Variants in SEMA5A observed in about 807,000 individuals in gnomAD.
SEMA5A encodes the protein semaphorin 5A.
In SEMA5A, 55 loss-of-function variants were observed where a neutral mutation model predicts 135.5. The observed-to-expected ratio is 0.41, with a 90% CI of 0.33 to 0.51. SEMA5A has a LOEUF of 0.51. SEMA5A is among the 20% of genes least tolerant of loss of function. The pLI is 0.37. For missense variants in SEMA5A, 1,290 were observed against 1,419.9 expected, an observed-to-expected ratio of 0.91 and a Z score of 1.47; for synonymous variants, 580 against 546.5, an observed-to-expected ratio of 1.06 and a Z score of -0.85.
At chr5:9,246,879 C>T (rs891765584) in intron 5 of SEMA5A, among the ~76,000 whole-genome samples, 1 of 152,112 alleles carries the variant, frequency 6.6e-6, no homozygotes, top group Non-Finnish European at 1.5e-5. Context: ...TTTCACACGC[C>T]AGTTAACTAC....
intron 1 of SEMA5A, among the ~76,000 whole-genome samples, chr5:9,449,311 G>A (rs1272652471): frequency 6.6e-6 from 1 of 152,130 alleles, no homozygotes; most frequent in Non-Finnish European, 1.5e-5. Context: ...GCGAACTAAT[G>A]CAGAAACAGA....
intron 3 of SEMA5A, among the ~76,000 whole-genome samples, chr5:9,346,066 T>C (rs1753853594): frequency 6.6e-6 from 1 of 152,046 alleles, no homozygotes. Flanking sequence ...ATGTTACCTT[T>C]TCCTAAACCA....
chr5:9,433,636 T>A (rs1757929985), intron 2 of SEMA5A, among the ~76,000 whole-genome samples: 2 of 138,502 alleles, frequency 1.4e-5, no homozygotes, highest in African/African-American at 2.6e-5. Context: ...TTCTCTCACC[T>A]CTTCTCAGAG....
intron 11 of SEMA5A, among the ~76,000 whole-genome samples, chr5:9,157,337 T>C (rs1044256810): frequency 6.6e-6 from 1 of 152,218 alleles, no homozygotes; most frequent in African/African-American, 2.4e-5. Context: ...TCTTCAAAGC[T>C]GAATGTTGGC....
At chr5:9,208,169 T>C (rs1314652062) in intron 8 of SEMA5A, among the ~76,000 whole-genome samples, 1 of 152,188 alleles carries the variant, frequency 6.6e-6, no homozygotes, top group Non-Finnish European at 1.5e-5. Context: ...CCTCTATTTA[T>C]TAAAAATAAC....
chr5:9,472,013 T>G (rs1340548043), intron 1 of SEMA5A, among the ~76,000 whole-genome samples: 2 of 152,240 alleles, frequency 1.3e-5, no homozygotes, highest in Non-Finnish European at 2.9e-5. Context: ...TTTTTTATTA[T>G]ACTTTAAGTT....
At position 9,119,797 on chromosome 5, in the gene SEMA5A, C is replaced by T. The variant is rs1258905637; in HGVS notation, c.1782-656G>A. ...TGTTTAAATTCAGATTATTGGCTAT[C>T]TTTTCACAGATTGACAGAGACATAA... On this transcript the variant is annotated intron_variant, in intron 14 of 22. Transcript: ENST00000382496. Among the ~76,000 whole-genome samples, 3 of 152,178 alleles carry T rather than the reference C, an allele frequency of 2.0e-5. No homozygotes were observed. In the East Asian group the frequency reaches 5.8e-4, roughly 29 times the overall value.
intron 5 of SEMA5A, among the ~76,000 whole-genome samples, chr5:9,283,356 A>G (rs1483260917): frequency 6.6e-6 from 1 of 152,116 alleles, no homozygotes; most frequent in Non-Finnish European, 1.5e-5. Context: ...TTGTGACTGT[A>G]GGACTGAGAC....
intron 5 of SEMA5A, among the ~76,000 whole-genome samples, chr5:9,294,790 A>C (rs1751251612): frequency 6.6e-6 from 1 of 152,116 alleles, no homozygotes. Context: ...CATCTACCTG[A>C]TTCAACAATT....
chr5:9,104,699 C>A (rs1435260733), intron 16 of SEMA5A, among the ~76,000 whole-genome samples: 1 of 152,176 alleles, frequency 6.6e-6, no homozygotes, highest in African/African-American at 2.4e-5. Context: ...CTCACAGTGA[C>A]TCAGAGGCAG....
At chr5:9,252,038 T>C (rs1462863566) in intron 5 of SEMA5A, among the ~76,000 whole-genome samples, 4 of 152,204 alleles carry the variant, frequency 2.6e-5, no homozygotes, top group African/African-American at 7.2e-5. Context: ...CCACGTGCGA[T>C]GGACTCTTTC....
chr5:9,300,913 C>G (rs1751581450), intron 5 of SEMA5A, among the ~76,000 whole-genome samples: 1 of 152,170 alleles, frequency 6.6e-6, no homozygotes, highest in Admixed American at 6.6e-5. Context: ...GAGTGGAGCC[C>G]TGCTGATATC....
At chr5:9,507,479 C>T (rs1735958144) in intron 1 of SEMA5A, among the ~76,000 whole-genome samples, 1 of 152,218 alleles carries the variant, frequency 6.6e-6, no homozygotes, top group African/African-American at 2.4e-5. Context: ...ATGGTTTCTA[C>T]ACAGTACAGC....
At chr5:9,386,199 G>A (rs79866946) in intron 2 of SEMA5A, among the ~76,000 whole-genome samples, 21 of 152,164 alleles carry the variant, frequency 1.4e-4, no homozygotes, top group African/African-American at 4.8e-4. Flanking sequence ...AACTAGAGTC[G>A]CCTTCCAGAC....
In SEMA5A at chr5:9,038,594, G is replaced by A. The variant is rs1735778349; in HGVS notation, c.*4303C>T. 6.6e-6 allele frequency: 1 copy of A among 152,176 alleles called. No homozygotes were observed. Among genetic ancestry groups the A allele is most frequent in the Non-Finnish European group, 1.5e-5 (1 of 68,040 alleles). 9.4% of individuals were successfully genotyped at this position (152,176 alleles called of 1,614,324 possible). A position where few individuals can be genotyped will look rare whatever the true frequency, so the allele number is the denominator to read the frequency against. ...TAAATTCAAATGCTAACAAGGCTGT[G>A]TTTAGACAAAACGATTAGCTGAGTA... On this transcript the variant is annotated 3_prime_UTR_variant, in exon 23 of 23. Coordinates refer to ENST00000382496, the MANE Select transcript of SEMA5A (RefSeq NM_003966.3).
chr5:9,456,932 C>G (rs917823954), intron 1 of SEMA5A, among the ~76,000 whole-genome samples: 1 of 152,206 alleles, frequency 6.6e-6, no homozygotes, highest in Non-Finnish European at 1.5e-5. Flanking sequence ...TACAGAGCAA[C>G]TAAACTTGCC....
chr5:9,337,682 A>G, intron 4 of SEMA5A, 31 bp downstream of exon 4: 1 of 1,495,918 alleles, frequency 6.7e-7, no homozygotes, highest in Non-Finnish European at 9.3e-7. Context: ...GTCCAAAAAT[A>G]TCTGTGGTGG....
intron 5 of SEMA5A, among the ~76,000 whole-genome samples, chr5:9,259,519 T>C (rs1749285778): frequency 6.6e-6 from 1 of 151,210 alleles, no homozygotes; most frequent in Admixed American, 6.6e-5. Flanking sequence ...CTGAAAAAAA[T>C]GTATATTCTG....
intron 1 of SEMA5A, among the ~76,000 whole-genome samples, chr5:9,460,046 A>T (rs1003482989): frequency 7.2e-5 from 11 of 152,216 alleles, no homozygotes; most frequent in Non-Finnish European, 1.2e-4. Flanking sequence ...GTTACCATGG[A>T]GAGTTCAGCT....
Sources: gnomAD v4.1 joint callset for allele counts (sites outside exome capture counted in the v4.1 genomes callset) on GRCh38, gnomAD v4.1.1 for gene constraint, MANE v1.5 for transcripts, NCBI Gene and HGNC (gene_info 2026-07-23, HGNC 2026-07-21) for gene names.